Variants in VPS53 observed in about 807,000 individuals in gnomAD.
VPS53 encodes the protein vacuolar protein sorting-associated protein 53 homolog.
Under a neutral mutation model 107.0 loss-of-function variants are expected in VPS53, and 70 were observed. That is an observed-to-expected ratio of 0.65 (90% CI 0.54 to 0.80). VPS53 has a LOEUF of 0.80. VPS53 is among the 30% of genes least tolerant of loss of function. The pLI, the probability that VPS53 is intolerant of heterozygous loss-of-function variation, is 0.00. For synonymous variants in VPS53, 409 were observed against 393.3 expected, an observed-to-expected ratio of 1.04 and a Z score of -0.47; for missense variants, 917 against 1,049.4, an observed-to-expected ratio of 0.87 and a Z score of 1.74.
intron 17 of VPS53, chr17:537,434 A>C (rs1387059514): frequency 2.5e-5 from 10 of 400,644 alleles, no homozygotes; most frequent in Non-Finnish European, 4.1e-5. Context: ...ACCTGCCTGA[A>C]ACAGCCTTCC....
chr17:666,827 G>A (rs141579079), intron 4 of VPS53, among the ~76,000 whole-genome samples: 2,362 of 152,204 alleles, frequency 0.016, 71 homozygotes, highest in African/African-American at 0.053. Context: ...GCTGAGGTAG[G>A]AGAATTGCTT....
intron 11 of VPS53, among the ~76,000 whole-genome samples, chr17:619,765 C>CTT (rs1567681481): frequency 7.3e-6 from 1 of 137,574 alleles, no homozygotes; most frequent in African/African-American, 2.8e-5. Flanking sequence ...GGACTACAGG[C>CTT]GTGCACCACC....
intron 11 of VPS53, among the ~76,000 whole-genome samples, chr17:606,635 G>C (rs115203336): frequency 5.9e-5 from 9 of 152,098 alleles, no homozygotes; most frequent in African/African-American, 2.2e-4. Context: ...CCCAACCCCT[G>C]GGCCACAGTC....
At chr17:521,770 C>T in intron 19 of VPS53, 32 bp from the exon 20 acceptor site, 11 of 1,477,290 alleles carry the variant, frequency 7.4e-6, no homozygotes, top group Non-Finnish European at 9.1e-6. Flanking sequence ...ATTACCGGCC[C>T]CTTCCAGCGA....
At chr17:564,952 T>C (rs4968164) in intron 13 of VPS53, among the ~76,000 whole-genome samples, 3 of 152,046 alleles carry the variant, frequency 2.0e-5, no homozygotes, top group Non-Finnish European at 4.4e-5. Context: ...ACATGTTGCA[T>C]CTTTTTAGGT....
intron 11 of VPS53, among the ~76,000 whole-genome samples, chr17:606,246 C>T (rs1968572579): frequency 1.3e-5 from 2 of 152,112 alleles, no homozygotes; most frequent in South Asian, 4.1e-4. Flanking sequence ...AACTGCACGG[C>T]TGATGTTGCC....
chr17:557,052 C>CAT (rs1182601552), intron 15 of VPS53, among the ~76,000 whole-genome samples: 3 of 152,154 alleles, frequency 2.0e-5, no homozygotes, highest in African/African-American at 4.8e-5. Context: ...GGGGTTTTGC[C>CAT]ATGTTGACGA....
intron 14 of VPS53, among the ~76,000 whole-genome samples, chr17:562,190 C>T (rs1003078408): frequency 6.6e-6 from 1 of 152,172 alleles, no homozygotes; most frequent in African/African-American, 2.4e-5. Context: ...CACAACCTCA[C>T]TTTTTTTGTA....
At chr17:582,580 G>C (rs1394466839) in intron 13 of VPS53, among the ~76,000 whole-genome samples, 2 of 147,412 alleles carry the variant, frequency 1.4e-5, no homozygotes, top group Non-Finnish European at 3.0e-5. Flanking sequence ...ACGCTAATGT[G>C]TTCCCAGGGA....
At chr17:676,489 G>C (rs11654989) in intron 4 of VPS53, 28,220 of 152,184 alleles carry the variant, frequency 0.19, 3,098 homozygotes, top group South Asian at 0.25. Flanking sequence ...CTGGGTACTA[G>C]CCAGAGCAGT....
At chr17:629,177 T>TA (rs1331282840) in intron 8 of VPS53, among the ~76,000 whole-genome samples, 2 of 152,204 alleles carry the variant, frequency 1.3e-5, no homozygotes, top group Non-Finnish European at 2.9e-5. Flanking sequence ...TCTAAAGTGT[T>TA]ATATAAGCTG....
intron 6 of VPS53, 94 bp from the exon 7 acceptor site, chr17:653,504 CA>C: frequency 6.4e-7 from 1 of 1,570,714 alleles, no homozygotes. Context: ...AAACAGATAT[CA>C]ACTCAGCTGA....
At chr17:673,090 G>A (rs1972027917) in intron 4 of VPS53, among the ~76,000 whole-genome samples, 1 of 147,524 alleles carries the variant, frequency 6.8e-6, no homozygotes, top group African/African-American at 2.5e-5. Flanking sequence ...CCAGCCTGGG[G>A]CACAGAGCAA....
chr17:664,775 G>C (rs1427385864), intron 4 of VPS53, among the ~76,000 whole-genome samples: 1 of 152,210 alleles, frequency 6.6e-6, no homozygotes, highest in Admixed American at 6.5e-5. Flanking sequence ...CTGACGGGAA[G>C]ACGCCGAGCG....
At chr17:706,452 G>T (rs949206131) in intron 2 of VPS53, among the ~76,000 whole-genome samples, 1 of 150,940 alleles carries the variant, frequency 6.6e-6, no homozygotes, top group East Asian at 2.0e-4. Context: ...CGGGAGAATC[G>T]CTTGAACCCA....
chr17:707,700 A>G (rs1973466824), intron 2 of VPS53, among the ~76,000 whole-genome samples: 1 of 151,906 alleles, frequency 6.6e-6, no homozygotes, highest in Admixed American at 6.6e-5. Flanking sequence ...AAAATTTTAA[A>G]ACTTAGCTGT....
chr17:687,467 T>C (rs1389233455), intron 4 of VPS53, among the ~76,000 whole-genome samples: 1 of 151,358 alleles, frequency 6.6e-6, no homozygotes, highest in African/African-American at 2.4e-5. Context: ...TCCCAGCTAC[T>C]CAGGAGGCTG....
intron 4 of VPS53, among the ~76,000 whole-genome samples, chr17:689,334 G>A (rs1048881430): frequency 6.6e-6 from 1 of 151,994 alleles, no homozygotes; most frequent in Non-Finnish European, 1.5e-5. Context: ...CTTGAGACAG[G>A]GTCCCCAGGC....
chr17:646,271 A>T (rs1970700730), intron 7 of VPS53, among the ~76,000 whole-genome samples: 1 of 125,662 alleles, frequency 8.0e-6, no homozygotes. Flanking sequence ...CACGGACTGG[A>T]GATCGGCTCC....
Sources: allele counts gnomAD v4.1 joint callset (sites outside exome capture counted in the v4.1 genomes callset), GRCh38; gene constraint gnomAD v4.1.1; transcripts MANE v1.5; gene names NCBI Gene and HGNC (gene_info 2026-07-23, HGNC 2026-07-21).